GRAMD1B: variants seen among roughly 807,000 people sequenced by gnomAD.
The protein encoded by GRAMD1B is GRAM domain containing 1B, also known as protein Aster-B.
In GRAMD1B, 37 loss-of-function variants were observed where a neutral mutation model predicts 99.7. The ratio of observed to expected loss-of-function variants is 0.37; its 90% CI spans 0.29 to 0.49. The LOEUF (loss-of-function observed/expected upper bound fraction) is 0.49. Among genes scored for constraint, GRAMD1B ranks in the 20% least tolerant of loss-of-function variants. The pLI, the probability that GRAMD1B is intolerant of heterozygous loss-of-function variation, is 0.98. For missense variants in GRAMD1B, 888 were observed against 1,009.2 expected, an observed-to-expected ratio of 0.88 and a Z score of 1.63; for synonymous variants, 427 against 387.6, an observed-to-expected ratio of 1.10 and a Z score of -1.19.
At chr11:123,403,679 G>T (rs1316106696) in intron 1 of GRAMD1B, among the ~76,000 whole-genome samples, 1 of 151,540 alleles carries the variant, frequency 6.6e-6, no homozygotes, top group Non-Finnish European at 1.5e-5. Flanking sequence ...GAGTAGCTGG[G>T]ATTACAGGCA....
chr11:123,505,167 CCTCT>C lies in GRAMD1B; in HGVS notation c.452+24279_452+24282del, dbSNP rs1022417495. 2.0e-5 allele frequency among the ~76,000 whole-genome samples: 3 copies of C among 150,506 alleles called. No homozygotes were observed. The Admixed American group carries it at 2.0e-4, about 10-fold the overall frequency. ...TTTCCTTATTTTAGTGACTGTCTCA[CCTCT>C]CTCTTTCAATGTCTTTAAAAAATAT... On this transcript the variant is annotated intron_variant, in intron 2 of 19. Transcript: ENST00000635736.
intron 1 of GRAMD1B, among the ~76,000 whole-genome samples, chr11:123,400,440 G>A (rs116366716): frequency 0.012 from 1,761 of 152,300 alleles, 29 homozygotes; most frequent in African/African-American, 0.038. Context: ...TCGTGCCATT[G>A]CAATTCCCCT....
intron 19 of GRAMD1B, 54 bp downstream of exon 19, chr11:123,619,278 T>C (rs1954832729): frequency 1.3e-6 from 2 of 1,544,890 alleles, no homozygotes; most frequent in African/African-American, 2.7e-5. Context: ...GGGGACTCCT[T>C]CCCTTATGCT....
chr11:123,436,640 G>A (rs1030294016), intron 1 of GRAMD1B, among the ~76,000 whole-genome samples: 1 of 152,222 alleles, frequency 6.6e-6, no homozygotes, highest in African/African-American at 2.4e-5. Flanking sequence ...ACTTTCTGCT[G>A]TTCCGTGTAG....
At chr11:123,493,624 C>T (rs548402919) in intron 2 of GRAMD1B, among the ~76,000 whole-genome samples, 3 of 152,310 alleles carry the variant, frequency 2.0e-5, no homozygotes, top group Admixed American at 2.0e-4. Flanking sequence ...AGGCAGCCCA[C>T]TCGAACTCCA....
chr11:123,537,090 TTCTTGAG>T (rs1300541466), intron 2 of GRAMD1B, among the ~76,000 whole-genome samples: 1 of 152,162 alleles, frequency 6.6e-6, no homozygotes, highest in East Asian at 1.9e-4. Context: ...AAACTGACAT[TTCTTGAG>T]TATCTACTGG....
At chr11:123,534,456 G>A (rs992074751) in intron 2 of GRAMD1B, among the ~76,000 whole-genome samples, 2 of 152,178 alleles carry the variant, frequency 1.3e-5, no homozygotes, top group African/African-American at 4.8e-5. Context: ...TGCCAAAGAT[G>A]TGCAAGAACA....
In GRAMD1B at chr11:123,608,644, C is replaced by A. The variant is rs759171103; in HGVS notation, c.1514-15C>A. The A allele has an allele frequency of 8.9e-6, 14 of 1,575,642 alleles. No individual in the cohort carries two copies. The South Asian group carries it at 1.5e-4, about 17-fold the overall frequency. Reference sequence around the variant, plus strand: ...CGCTGTCACTGTCTACTTCCTGATCCTCTCTTCTGTGCAGGAGAGGTCCAG... The same window carrying A: ...CGCTGTCACTGTCTACTTCCTGATCATCTCTTCTGTGCAGGAGAGGTCCAG... On this transcript the variant is annotated splice_polypyrimidine_tract_variant and intron_variant, in intron 11 of 19. Transcript: ENST00000635736.
intron 3 of GRAMD1B, 29 bp downstream of exon 3, chr11:123,577,606 T>A (rs1948861689): frequency 6.6e-7 from 1 of 1,519,510 alleles, no homozygotes; most frequent in African/African-American, 1.4e-5. Context: ...AGGCGGTACC[T>A]CCTTGTCAGG....
At chr11:123,541,787 C>A (rs1944557920) in intron 2 of GRAMD1B, among the ~76,000 whole-genome samples, 1 of 152,112 alleles carries the variant, frequency 6.6e-6, no homozygotes, top group South Asian at 2.1e-4. Flanking sequence ...ACAGGAAGTT[C>A]CTCCTGAAGT....
chr11:123,599,770 G>A (rs1951728391), intron 7 of GRAMD1B, among the ~76,000 whole-genome samples: 1 of 152,204 alleles, frequency 6.6e-6, no homozygotes, highest in South Asian at 2.1e-4. Context: ...ATGGCGCTCT[G>A]CCTGGTTTGA....
chr11:123,622,402 T>G, intron 19 of GRAMD1B, 104 bp from the exon 20 acceptor site: 1 of 694,050 alleles, frequency 1.4e-6, no homozygotes, highest in Admixed American at 2.1e-5. Flanking sequence ...CCCCATGGCG[T>G]GGTTGGAGGC....
At chr11:123,491,893 C>T (rs1228364282) in intron 2 of GRAMD1B, 1 of 399,080 alleles carries the variant, frequency 2.5e-6, no homozygotes, top group African/African-American at 2.1e-5. Context: ...TGCAGCACTG[C>T]TGTAAAGCAG....
At chr11:123,456,256 C>G (rs1274708553) in intron 1 of GRAMD1B, among the ~76,000 whole-genome samples, 1 of 152,140 alleles carries the variant, frequency 6.6e-6, no homozygotes, top group East Asian at 1.9e-4. Flanking sequence ...AACAGTTATC[C>G]TTCTTGTCAG....
chr11:123,597,248 C>T (rs562604955), intron 7 of GRAMD1B, among the ~76,000 whole-genome samples: 219 of 145,660 alleles, frequency 1.5e-3, no homozygotes, highest in African/African-American at 5.1e-3. Context: ...CAGTGCATGC[C>T]ACTATGCCTT....
chr11:123,413,921 G>A (rs894449645), intron 1 of GRAMD1B, among the ~76,000 whole-genome samples: 1 of 152,162 alleles, frequency 6.6e-6, no homozygotes, highest in African/African-American at 2.4e-5. Flanking sequence ...CTGAGAAGAC[G>A]CAGCTCAAGT....
At chr11:123,467,404 T>TTC (rs977475998) in intron 1 of GRAMD1B, among the ~76,000 whole-genome samples, 1 of 129,562 alleles carries the variant, frequency 7.7e-6, no homozygotes, top group African/African-American at 3.0e-5. Context: ...CTTTTTTTTT[T>TTC]TTTTTTTTTT....
At chr11:123,495,953 T>C (rs944644147) in intron 2 of GRAMD1B, among the ~76,000 whole-genome samples, 6 of 152,226 alleles carry the variant, frequency 3.9e-5, no homozygotes, top group Non-Finnish European at 8.8e-5. Flanking sequence ...TTTTGATTGG[T>C]TCATCATTTA....
chr11:123,458,833 A>C (rs779242540), intron 1 of GRAMD1B: 2 of 152,122 alleles, frequency 1.3e-5, no homozygotes, highest in African/African-American at 4.8e-5. Flanking sequence ...GTTATTTTCA[A>C]ATTTCAAGTC....
Sources: gnomAD v4.1 joint callset for allele counts (sites outside exome capture counted in the v4.1 genomes callset) on GRCh38, gnomAD v4.1.1 for gene constraint, MANE v1.5 for transcripts, NCBI Gene and HGNC (gene_info 2026-07-23, HGNC 2026-07-21) for gene names.